MAST3: variants seen among roughly 807,000 people sequenced by gnomAD.
MAST3 encodes the protein microtubule associated serine/threonine kinase 3.
A neutral mutation model predicts 127.0 loss-of-function variants in MAST3; 43 were observed. The observed-to-expected ratio is 0.34, with a 90% CI of 0.27 to 0.44. The LOEUF (loss-of-function observed/expected upper bound fraction) is 0.44, where lower values mean the gene tolerates loss of function less well. Among genes scored for constraint, MAST3 ranks in the 20% least tolerant of loss-of-function variants. MAST3 has a pLI of 1.00. For synonymous variants in MAST3, 785 were observed against 809.2 expected, an observed-to-expected ratio of 0.97 and a Z score of 0.51; for missense variants, 1,390 against 1,919.1, an observed-to-expected ratio of 0.72 and a Z score of 5.15.
rs946714252 is a variant in MAST3 at position 18,140,213 on chromosome 19, C to G, written c.2205+1089C>G. 1.3e-4 allele frequency among the ~76,000 whole-genome samples: 17 copies of G among 128,262 alleles called. No individual in the cohort carries two copies. In the South Asian group the frequency reaches 2.4e-3, roughly 18 times the overall value. 84.1% of individuals were successfully genotyped at this position (128,262 alleles called of 152,430 possible). A position where few individuals can be genotyped will look rare whatever the true frequency, so the allele number is the denominator to read the frequency against. On this transcript the variant is annotated intron_variant, in intron 20 of 27. Coordinates refer to ENST00000687212, the MANE Select transcript of MAST3 (RefSeq NM_001393504.1). Reference sequence around the variant, plus strand: ...TGACTAACATGGTGAAGCCCTGTCTCTACTAAAAATACAAAAATTAGCCAG... The same window carrying G: ...TGACTAACATGGTGAAGCCCTGTCTGTACTAAAAATACAAAAATTAGCCAG...
At chr19:18,125,085 C>T (rs771618243) in intron 11 of MAST3, among the ~76,000 whole-genome samples, 7 of 152,086 alleles carry the variant, frequency 4.6e-5, no homozygotes, top group South Asian at 2.1e-4. Flanking sequence ...CCAACCTGGG[C>T]GACAGAGCGA....
At chr19:18,115,701 C>G (rs371122153) in intron 3 of MAST3, among the ~76,000 whole-genome samples, 7 of 152,180 alleles carry the variant, frequency 4.6e-5, no homozygotes, top group African/African-American at 1.7e-4. Flanking sequence ...CGTCCCAGAC[C>G]CTTACTGGCC....
intron 15 of MAST3, 137 bp downstream of exon 15, chr19:18,132,184 G>C: frequency 8.3e-7 from 1 of 1,199,936 alleles, no homozygotes; most frequent in Non-Finnish European, 1.2e-6. Context: ...TCTGAGCTCT[G>C]TTGGTACCTC....
intron 26 of MAST3, among the ~76,000 whole-genome samples, 178 bp from the exon 27 acceptor site, chr19:18,147,265 G>A (rs2043130097): frequency 6.6e-6 from 1 of 152,028 alleles, no homozygotes; most frequent in Non-Finnish European, 1.5e-5. Context: ...ATCATGCCCA[G>A]CTAATTTTTA....
Position 18,144,407 on chromosome 19 carries a change from C to A in MAST3, c.2585-59C>A. 1 of 1,414,616 alleles carries A rather than the reference C, an allele frequency of 7.1e-7. No homozygotes were observed. Among genetic ancestry groups the A allele is most frequent in the Non-Finnish European group, 9.7e-7 (1 of 1,033,302 alleles). The allele number at this position is 1,414,616 out of a possible 1,614,324, so 87.6% of individuals were successfully genotyped here. A position where few individuals can be genotyped will look rare whatever the true frequency, so the allele number is the denominator to read the frequency against. ...GACCAGGGAGGAAGGGCCTTAAGGT[C>A]CCTTTAGGACCACATGGTGAGTTTG... On this transcript the variant is annotated intron_variant, in intron 22 of 27. Transcript: ENST00000687212. The surrounding 1 kb of genome is among the most constrained non-coding windows in gnomAD (Gnocchi z 4.0).
intron 1 of MAST3, among the ~76,000 whole-genome samples, chr19:18,104,784 A>G (rs60963202): frequency 0.14 from 21,019 of 152,144 alleles, 1,833 homozygotes; most frequent in Admixed American, 0.23. Flanking sequence ...GGTTCGTAGG[A>G]GGTGGCTCAG....
chr19:18,111,194 T>TGAGCGC (rs2038570965), intron 3 of MAST3, among the ~76,000 whole-genome samples: 1 of 152,044 alleles, frequency 6.6e-6, no homozygotes, highest in Non-Finnish European at 1.5e-5. Flanking sequence ...CCAGGGTGAC[T>TGAGCGC]GAGCGCTCCC....
intron 21 of MAST3, among the ~76,000 whole-genome samples, chr19:18,142,569 C>G (rs1315988063): frequency 1.3e-5 from 2 of 151,584 alleles, no homozygotes; most frequent in East Asian, 3.9e-4. Flanking sequence ...CCAGGATGGT[C>G]TCGGTCTCCT....
In MAST3 at chr19:18,129,048, G is replaced by T. The variant is rs1016576361; in HGVS notation, c.1223+97G>T. 69 of 1,039,230 alleles carry T rather than the reference G, an allele frequency of 6.6e-5. 2 individuals carry two copies. The South Asian group carries it at 8.3e-4, about 13-fold the overall frequency. The allele number at this position is 1,039,230 out of a possible 1,614,324, so 64.4% of individuals were successfully genotyped here. ...TGCATCCCCCTCCTACCCCAGCAGGGCTCACACATTCATCCTTGAATGGGC... is the reference window on the plus strand; with the variant it reads ...TGCATCCCCCTCCTACCCCAGCAGGTCTCACACATTCATCCTTGAATGGGC... On this transcript the variant is annotated intron_variant, in intron 13 of 27. Coordinates refer to ENST00000687212, the MANE Select transcript of MAST3 (RefSeq NM_001393504.1).
chr19:18,145,092 G>A lies in MAST3; in HGVS notation c.2902G>A (p.Asp968Asn). 1 of 1,613,544 alleles carries A rather than the reference G, an allele frequency of 6.2e-7. No individual in the cohort carries two copies. Among genetic ancestry groups the A allele is most frequent in the South Asian group, 1.1e-5 (1 of 91,068 alleles). The change falls in exon 24 of 28, where the codon GAC becomes AAC. Residue 968 changes from aspartate to asparagine, a missense_variant. Asp to Asn is a conservative substitution (Grantham distance 23, BLOSUM62 1). Transcript: ENST00000687212. The surrounding 1 kb of genome is among the most constrained non-coding windows in gnomAD (Gnocchi z 5.9). ...GTCCCGTGACTCTTCGCCGAGCCGA[G>A]ACCCGTCCCCCGTGTGTGGCAGCCT... ...PSSRDSSPSR[D>N]PSPVCGSLRP... is the part of the protein sequence containing the mutation.
intron 25 of MAST3, among the ~76,000 whole-genome samples, chr19:18,146,123 T>C (rs1480629296): frequency 6.6e-6 from 1 of 152,016 alleles, no homozygotes; most frequent in East Asian, 1.9e-4. Flanking sequence ...GCCTGAGGCC[T>C]GGAGGTAGGA....
intron 18 of MAST3, 36 bp downstream of exon 18, chr19:18,135,877 C>T (rs2041844011): frequency 1.3e-6 from 2 of 1,515,120 alleles, no homozygotes; most frequent in Non-Finnish European, 1.8e-6. Flanking sequence ...GTGGGTGGCT[C>T]CTTCAGGCCC....
intron 3 of MAST3, among the ~76,000 whole-genome samples, chr19:18,120,663 G>A (rs1160092980): frequency 6.6e-6 from 1 of 152,126 alleles, no homozygotes; most frequent in Non-Finnish European, 1.5e-5. Context: ...AGCCTCCTGA[G>A]TAGCTGGGAT....
At chr19:18,105,139 G>A (rs1222552648) in intron 1 of MAST3, among the ~76,000 whole-genome samples, 1 of 152,176 alleles carries the variant, frequency 6.6e-6, no homozygotes, top group Non-Finnish European at 1.5e-5. Flanking sequence ...GGCTAAGGTG[G>A]ATGGATCACT....
In MAST3 at chr19:18,150,961, C is replaced by G. The variant is rs1490817872; in HGVS notation, c.*1235C>G. 2.0e-5 allele frequency: 3 copies of G among 152,340 alleles called. No homozygotes were observed. Among genetic ancestry groups the G allele is most frequent in the Non-Finnish European group, 4.4e-5 (3 of 68,096 alleles). 9.4% of individuals were successfully genotyped at this position (152,340 alleles called of 1,614,324 possible). ...ACTCAGTGTCCCCTCCCCTCAGGCT[C>G]TGCCTTGGCCTGGCCTTGTCCAGTC... On this transcript the variant is annotated 3_prime_UTR_variant, in exon 28 of 28. Transcript: ENST00000687212.
chr19:18,128,755 CAG>C (rs2040936189), intron 12 of MAST3, 109 bp from the exon 13 acceptor site: 2 of 832,116 alleles, frequency 2.4e-6, no homozygotes, highest in South Asian at 1.5e-5. Flanking sequence ...GAAGTTTGGA[CAG>C]GGGAGGAGGT....
Position 18,138,998 on chromosome 19 carries a change from G to T in MAST3, c.2096-17G>T. 1 of 1,545,372 alleles carries T rather than the reference G, an allele frequency of 6.5e-7. No individual in the cohort carries two copies. The highest frequency in any genetic ancestry group is 2.4e-5 in the East Asian group (1 of 42,056). Reference sequence around the variant, plus strand: ...TCTGGGCATCAGGCGTGCTGCATGTGCCTCTCCCTCCCACAGCACGTTCGG... The same window carrying T: ...TCTGGGCATCAGGCGTGCTGCATGTTCCTCTCCCTCCCACAGCACGTTCGG... On this transcript the variant is annotated splice_polypyrimidine_tract_variant and intron_variant, in intron 19 of 27. Transcript: ENST00000687212.
At chr19:18,113,150 C>T (rs2038829500) in intron 3 of MAST3, among the ~76,000 whole-genome samples, 1 of 152,078 alleles carries the variant, frequency 6.6e-6, no homozygotes, top group Admixed American at 6.6e-5. Context: ...ATAAGGCTGC[C>T]TCACTCACCA....
At chr19:18,104,534 T>C (rs1257061337) in intron 1 of MAST3, among the ~76,000 whole-genome samples, 1 of 152,006 alleles carries the variant, frequency 6.6e-6, no homozygotes, top group Non-Finnish European at 1.5e-5. Flanking sequence ...CCCCCTCCAA[T>C]TGGCTGTAGG....
Sources: allele counts gnomAD v4.1 joint callset (sites outside exome capture counted in the v4.1 genomes callset), GRCh38; gene constraint gnomAD v4.1.1; non-coding constraint Gnocchi (gnomAD v3.1); transcripts MANE v1.5; gene names NCBI Gene and HGNC (gene_info 2026-07-23, HGNC 2026-07-21).